ANAPC10: variants seen among roughly 807,000 people sequenced by gnomAD.
ANAPC10 encodes the protein anaphase-promoting complex subunit 10.
ANAPC10 carries 12 observed loss-of-function variants against 22.0 expected under a neutral mutation model. That is an observed-to-expected ratio of 0.55 (90% CI 0.35 to 0.88). The LOEUF (loss-of-function observed/expected upper bound fraction) is 0.88, where lower values mean the gene tolerates loss of function less well. Among genes scored for constraint, ANAPC10 ranks in the 40% least tolerant of loss-of-function variants. The pLI is 0.01. For synonymous variants in ANAPC10, 65 were observed against 69.5 expected (o/e 0.94, Z 0.32); for missense variants, 188 against 220.9 (o/e 0.85, Z 0.94).
At chr4:145,077,957 C>G (rs1359732577) in intron 3 of ANAPC10, among the ~76,000 whole-genome samples, 1 of 151,994 alleles carries the variant, frequency 6.6e-6, no homozygotes, top group Non-Finnish European at 1.5e-5. Context: ...ACTTAAGAAC[C>G]AGAACAAGAC....
Position 145,071,999 on chromosome 4 carries a change from C to CA in ANAPC10, c.207-7308dup, listed in dbSNP as rs200378004. Among the ~76,000 whole-genome samples the CA allele has an allele frequency of 6.3e-3, 929 of 147,786 alleles. 9 individuals carry two copies. The highest frequency in any genetic ancestry group is 0.021 in the African/African-American group (858 of 40,162). ...TAACAAATTCAGAAATGTGAAAGGA[C>CA]AAAAAAAACACAAAAAAAACAAAAA... On this transcript the variant is annotated intron_variant, in intron 3 of 4. Coordinates refer to ENST00000507656, the MANE Select transcript of ANAPC10 (RefSeq NM_001256706.2).
intron 4 of ANAPC10, among the ~76,000 whole-genome samples, chr4:145,026,412 G>A (rs1736665783): frequency 6.6e-6 from 1 of 152,004 alleles, no homozygotes; most frequent in Non-Finnish European, 1.5e-5. Context: ...TATAAAAAGT[G>A]CATGGGAAAA....
At chr4:145,008,885 G>C (rs905263151) in intron 4 of ANAPC10, among the ~76,000 whole-genome samples, 3 of 152,250 alleles carry the variant, frequency 2.0e-5, no homozygotes, top group Non-Finnish European at 4.4e-5. Flanking sequence ...ATTACGAAAA[G>C]AGGAAGTCAT....
intron 2 of ANAPC10, among the ~76,000 whole-genome samples, chr4:145,087,093 A>T (rs534588516): frequency 2.3e-4 from 35 of 152,114 alleles, no homozygotes; most frequent in Non-Finnish European, 4.4e-4. Context: ...CTAAGAGAAT[A>T]TGCCTGGACA....
In ANAPC10 at chr4:145,083,103, T is replaced by A. The variant is rs537022930; in HGVS notation, c.116-1353A>T. On this transcript the variant is annotated intron_variant, in intron 2 of 4. Coordinates refer to ENST00000507656, the MANE Select transcript of ANAPC10 (RefSeq NM_001256706.2). ...GTGTTTTTTAATTTTACTTAACATA[T>A]CTGGAGTTTTTTACCATACGAATAT... Among the ~76,000 whole-genome samples, 3 of 152,288 alleles carry A rather than the reference T, an allele frequency of 2.0e-5. No homozygotes were observed. The East Asian group carries it at 5.8e-4, about 29-fold the overall frequency.
At chr4:145,013,611 T>C (rs1350982089) in intron 4 of ANAPC10, among the ~76,000 whole-genome samples, 3 of 152,152 alleles carry the variant, frequency 2.0e-5, no homozygotes, top group Non-Finnish European at 4.4e-5. Context: ...CTGACTCGGA[T>C]GAACAGAGCA....
At chr4:145,045,365 T>C (rs1216790519) in intron 4 of ANAPC10, among the ~76,000 whole-genome samples, 1 of 152,034 alleles carries the variant, frequency 6.6e-6, no homozygotes, top group Admixed American at 6.6e-5. Flanking sequence ...TTCACACAGC[T>C]AGTAAGTAGC....
chr4:145,073,802 G>T (rs1744821347), intron 3 of ANAPC10, among the ~76,000 whole-genome samples: 1 of 151,914 alleles, frequency 6.6e-6, no homozygotes, highest in African/African-American at 2.4e-5. Flanking sequence ...TTGCGACACA[G>T]AAATCATTTT....
At chr4:145,097,258 A>G (rs33945846) in intron 1 of ANAPC10, 66,772 of 354,390 alleles carry the variant, frequency 0.19, 7,543 homozygotes, top group East Asian at 0.45. Flanking sequence ...TGCTCTTACC[A>G]TAGAAGATAA....
intron 3 of ANAPC10, among the ~76,000 whole-genome samples, chr4:145,067,044 CTA>C (rs75728138): frequency 0.28 from 42,322 of 151,912 alleles, 7,404 homozygotes; most frequent in Non-Finnish European, 0.38. Flanking sequence ...GTATAATTTG[CTA>C]TATACATAGT....
chr4:145,042,205 A>T (rs752299095), intron 4 of ANAPC10, among the ~76,000 whole-genome samples: 1 of 152,204 alleles, frequency 6.6e-6, no homozygotes, highest in Admixed American at 6.5e-5. Context: ...GTAGCATAAG[A>T]GTAAAAATAA....
rs916297335 is a variant in ANAPC10 at position 145,025,335 on chromosome 4, C to A, written c.328-29732G>T. On this transcript the variant is annotated intron_variant, in intron 4 of 4. Transcript: ENST00000507656. ...GGCCTATTTTGGCTTTCAACACGCC[C>A]CCCCCCCCTTTTAAGCTCAGTCCTT... Among the ~76,000 whole-genome samples, 6 of 122,560 alleles carry A rather than the reference C, an allele frequency of 4.9e-5. 1 individual carries two copies. Among genetic ancestry groups the A allele is most frequent in the South Asian group, 4.8e-4 (2 of 4,156 alleles). The allele number at this position is 122,560 out of a possible 152,430, so 80.4% of individuals were successfully genotyped here.
At chr4:145,080,174 C>G (rs1435534487) in intron 3 of ANAPC10, among the ~76,000 whole-genome samples, 2 of 108,630 alleles carry the variant, frequency 1.8e-5, no homozygotes, top group Non-Finnish European at 3.9e-5. Flanking sequence ...AAATAGGGAA[C>G]AATAGACATG....
intron 4 of ANAPC10, among the ~76,000 whole-genome samples, chr4:145,041,028 AAAC>A (rs1265003714): frequency 2.6e-5 from 4 of 152,204 alleles, no homozygotes; most frequent in Non-Finnish European, 5.9e-5. Context: ...ATATTAAAAA[AAAC>A]AACTGAAGTA....
At chr4:145,066,221 C>T (rs77097166) in intron 3 of ANAPC10, among the ~76,000 whole-genome samples, 7 of 152,038 alleles carry the variant, frequency 4.6e-5, no homozygotes, top group African/African-American at 1.7e-4. Flanking sequence ...GAAAGTTAAG[C>T]ACTTTTCCTC....
intron 4 of ANAPC10, among the ~76,000 whole-genome samples, chr4:145,034,649 A>G (rs904977775): frequency 6.6e-6 from 1 of 151,052 alleles, no homozygotes; most frequent in Non-Finnish European, 1.5e-5. Flanking sequence ...TATATACAGG[A>G]TAAAAATTAT....
At chr4:145,014,049 TG>T (rs978125472) in intron 4 of ANAPC10, among the ~76,000 whole-genome samples, 5 of 152,084 alleles carry the variant, frequency 3.3e-5, no homozygotes, top group African/African-American at 1.2e-4. Context: ...AGCTGAATTT[TG>T]TAACAATTTG....
intron 4 of ANAPC10, among the ~76,000 whole-genome samples, chr4:145,038,408 G>T (rs1046756141): frequency 6.6e-6 from 1 of 152,218 alleles, no homozygotes; most frequent in South Asian, 2.1e-4. Flanking sequence ...AGCTACTGGG[G>T]AGACTGAGGC....
At position 145,068,327 on chromosome 4, in the gene ANAPC10, G is replaced by A. The variant is rs150880870; in HGVS notation, c.207-3635C>T. On this transcript the variant is annotated intron_variant, in intron 3 of 4. Coordinates refer to ENST00000507656, the MANE Select transcript of ANAPC10 (RefSeq NM_001256706.2). ...TTGTTTACACATCTAGTAAAGCACA[G>A]AGCCAGAATTTAATCCAGGTCTATG... is the stretch of plus-strand genomic sequence containing the variant. Among the ~76,000 whole-genome samples the A allele has an allele frequency of 5.3e-5, 8 of 152,236 alleles. 1 individual carries two copies. The highest frequency in any genetic ancestry group is 1.9e-4 in the East Asian group (1 of 5,184).
Sources: allele counts gnomAD v4.1 joint callset (sites outside exome capture counted in the v4.1 genomes callset), GRCh38; gene constraint gnomAD v4.1.1; transcripts MANE v1.5; gene names NCBI Gene and HGNC (gene_info 2026-07-23, HGNC 2026-07-21).